Variants in DLGAP2 observed in about 807,000 individuals in gnomAD.
The protein encoded by DLGAP2 is disks large-associated protein 2.
DLGAP2 carries 26 observed loss-of-function variants against 100.3 expected under a neutral mutation model. The ratio of observed to expected loss-of-function variants is 0.26; its 90% CI spans 0.19 to 0.36. The LOEUF (loss-of-function observed/expected upper bound fraction) is 0.36, where lower values mean the gene tolerates loss of function less well. Ranked by LOEUF, DLGAP2 falls within the 10% of genes least tolerant of loss-of-function variation. DLGAP2 has a pLI of 1.00. For synonymous variants in DLGAP2, 886 were observed against 630.1 expected (o/e 1.41, Z -6.08); for missense variants, 1,858 against 1,453.2 (o/e 1.28, Z -4.53).
At chr8:1,247,265 G>GT (rs1465426831) in intron 2 of DLGAP2, among the ~76,000 whole-genome samples, 6 of 97,930 alleles carry the variant, frequency 6.1e-5, no homozygotes, top group Middle Eastern at 4.6e-3. Flanking sequence ...AGATCAGTGT[G>GT]GGAGTGAGAT....
At chr8:1,186,551 C>G (rs1797509374) in intron 2 of DLGAP2, among the ~76,000 whole-genome samples, 1 of 152,152 alleles carries the variant, frequency 6.6e-6, no homozygotes, top group Non-Finnish European at 1.5e-5. Flanking sequence ...CCTGATAACC[C>G]TGAGAGATGT....
At chr8:1,049,671 C>G (rs1231494683) in intron 2 of DLGAP2, among the ~76,000 whole-genome samples, 1 of 152,084 alleles carries the variant, frequency 6.6e-6, no homozygotes, top group Non-Finnish European at 1.5e-5. Context: ...AGACATCCTT[C>G]CATGAATACA....
At chr8:1,383,319 G>A (rs1796138545) in intron 3 of DLGAP2, among the ~76,000 whole-genome samples, 1 of 152,224 alleles carries the variant, frequency 6.6e-6, no homozygotes, top group Non-Finnish European at 1.5e-5. Flanking sequence ...AAAGGTGTTG[G>A]AAAAGTGCTG....
intron 3 of DLGAP2, among the ~76,000 whole-genome samples, chr8:1,452,609 G>T (rs1798194032): frequency 6.6e-6 from 1 of 152,194 alleles, no homozygotes; most frequent in African/African-American, 2.4e-5. Context: ...CAGGGAAGAG[G>T]AGATGGAGAA....
intron 3 of DLGAP2, among the ~76,000 whole-genome samples, chr8:1,361,761 A>G (rs989832560): frequency 6.6e-6 from 1 of 152,240 alleles, no homozygotes; most frequent in African/African-American, 2.4e-5. Context: ...AATTTGTACA[A>G]AAATCCAGTG....
chr8:964,788 C>G (rs1274670452), intron 2 of DLGAP2, among the ~76,000 whole-genome samples: 1 of 152,364 alleles, frequency 6.6e-6, no homozygotes, highest in Admixed American at 6.5e-5. Context: ...TCTTGCTGCT[C>G]TGTGCAGATT....
chr8:778,366 C>T (rs1821586106), intron 1 of DLGAP2, among the ~76,000 whole-genome samples: 3 of 152,350 alleles, frequency 2.0e-5, no homozygotes, highest in South Asian at 4.1e-4. Flanking sequence ...ATTCTCCGTC[C>T]AGCTTTGTTC....
intron 3 of DLGAP2, among the ~76,000 whole-genome samples, chr8:1,315,455 A>G (rs62486211): frequency 0.038 from 3,548 of 93,832 alleles, 105 homozygotes; most frequent in African/African-American, 0.048. Context: ...TCTCTCCAAC[A>G]GTGGTCTACA....
At chr8:1,605,858 C>T (rs769325306) in intron 6 of DLGAP2, among the ~76,000 whole-genome samples, 3 of 152,180 alleles carry the variant, frequency 2.0e-5, no homozygotes, top group Admixed American at 6.5e-5. Flanking sequence ...TTAAAATATG[C>T]CACAAAAGCA....
chr8:1,019,185 C>T lies in DLGAP2; in HGVS notation c.73+111219C>T, dbSNP rs550916038. The T allele has an allele frequency of 3.3e-5, 5 of 152,272 alleles. No homozygotes were observed. In the East Asian group the frequency reaches 9.6e-4, roughly 29 times the overall value. 9.4% of individuals were successfully genotyped at this position (152,272 alleles called of 1,614,324 possible). On this transcript the variant is annotated intron_variant, in intron 2 of 14. Coordinates refer to ENST00000637795, the MANE Select transcript of DLGAP2 (RefSeq NM_001346810.2). ...GTTGTTCTAGAGTGAGTGTGAACAG[C>T]TTTCACACTTGGGCACTGTGCCGGT...
chr8:977,447 C>G (rs544353739), intron 2 of DLGAP2, among the ~76,000 whole-genome samples: 36 of 152,172 alleles, frequency 2.4e-4, no homozygotes, highest in Non-Finnish European at 4.4e-4. Context: ...TTTCTGACCC[C>G]TGTGATGTGT....
intron 2 of DLGAP2, among the ~76,000 whole-genome samples, chr8:1,065,335 A>G (rs1049180883): frequency 5.3e-5 from 8 of 152,258 alleles, no homozygotes; most frequent in African/African-American, 1.7e-4. Flanking sequence ...TATGACTAGC[A>G]TCAGGAAAAA....
At chr8:1,581,423 C>T (rs112665203) in intron 6 of DLGAP2, among the ~76,000 whole-genome samples, 2 of 151,760 alleles carry the variant, frequency 1.3e-5, no homozygotes, top group African/African-American at 4.9e-5. Flanking sequence ...CACACATATA[C>T]ACACCACAGT....
At chr8:1,570,019 C>A (rs561605573) in intron 6 of DLGAP2, among the ~76,000 whole-genome samples, 2 of 152,294 alleles carry the variant, frequency 1.3e-5, no homozygotes, top group East Asian at 3.9e-4. Context: ...AGGAAGAAAA[C>A]GGCCAGGACT....
chr8:759,547 C>T (rs1186847145), intron 1 of DLGAP2, among the ~76,000 whole-genome samples: 2 of 151,522 alleles, frequency 1.3e-5, no homozygotes, highest in African/African-American at 2.4e-5. Flanking sequence ...CGGGTGTGCA[C>T]AGGTGTGTGT....
At chr8:836,733 T>G (rs1038761139) in intron 1 of DLGAP2, among the ~76,000 whole-genome samples, 1 of 152,204 alleles carries the variant, frequency 6.6e-6, no homozygotes, top group African/African-American at 2.4e-5. Flanking sequence ...GCCGCGTTGC[T>G]AAGGAGACGA....
At chr8:1,045,918 G>A (rs1802501414) in intron 2 of DLGAP2, among the ~76,000 whole-genome samples, 2 of 152,296 alleles carry the variant, frequency 1.3e-5, no homozygotes, top group Admixed American at 1.3e-4. Context: ...CCTGCCGTTT[G>A]TAATCAAGTT....
Position 1,157,151 on chromosome 8 carries a change from C to T in DLGAP2, c.74-101700C>T, listed in dbSNP as rs535110972. ...CTGGGCTTGTGGATTTACTGGTGAC[C>T]GCGGGGAAAAGTTCTCTCTCTTTAG... On this transcript the variant is annotated intron_variant, in intron 2 of 14. Coordinates refer to ENST00000637795, the MANE Select transcript of DLGAP2 (RefSeq NM_001346810.2). Among the ~76,000 whole-genome samples the T allele has an allele frequency of 6.2e-4, 94 of 152,162 alleles. 1 individual carries two copies. The highest frequency in any genetic ancestry group is 2.0e-3 in the African/African-American group (84 of 41,524).
chr8:1,198,001 T>C (rs113342633), intron 2 of DLGAP2, among the ~76,000 whole-genome samples: 7 of 152,020 alleles, frequency 4.6e-5, no homozygotes, highest in African/African-American at 1.7e-4. Context: ...CTTTGAGGAG[T>C]AGCCTGGGTC....
Sources: allele counts gnomAD v4.1 joint callset (sites outside exome capture counted in the v4.1 genomes callset), GRCh38; gene constraint gnomAD v4.1.1; transcripts MANE v1.5; gene names NCBI Gene and HGNC (gene_info 2026-07-23, HGNC 2026-07-21).